The following KDSR variants were observed in gnomAD, a reference collection of about 807,000 sequenced individuals.
The protein encoded by KDSR is 3-dehydrosphinganine reductase.
In KDSR, 23 loss-of-function variants were observed where a neutral mutation model predicts 41.3. That is an observed-to-expected ratio of 0.56 (90% confidence interval 0.40 to 0.79). The LOEUF (loss-of-function observed/expected upper bound fraction) is 0.79, where lower values mean the gene tolerates loss of function less well. Ranked by LOEUF, KDSR falls within the 30% of genes least tolerant of loss-of-function variation. The probability of loss-of-function intolerance (pLI) is 0.00; values close to 1 mark genes in which losing one functional copy is unlikely to be tolerated. For missense variants in KDSR, 351 were observed against 416.8 expected (o/e 0.84, Z 1.37); for synonymous variants, 138 against 151.7 (o/e 0.91, Z 0.66).
In KDSR at chr18:63,330,426, T is replaced by C. The variant is rs1913945734; in HGVS notation, c.*1356A>G. The C allele has an allele frequency of 4.4e-6, 1 of 229,546 alleles. No homozygotes were observed. The highest frequency in any genetic ancestry group is 8.6e-6 in the Non-Finnish European group (1 of 115,808). The allele number at this position is 229,546 out of a possible 1,614,324, so 14.2% of individuals were successfully genotyped here. A position where few individuals can be genotyped will look rare whatever the true frequency, so the allele number is the denominator to read the frequency against. On this transcript the variant is annotated 3_prime_UTR_variant, in exon 10 of 10. Coordinates refer to ENST00000645214, the MANE Select transcript of KDSR (RefSeq NM_002035.4). ...AACGGGGAATGTTGGCTAAAACTCA[T>C]CAGAGGCACTTGCTGTCAAAATCCA...
intron 9 of KDSR, among the ~76,000 whole-genome samples, chr18:63,333,773 G>A (rs1038939723): frequency 6.6e-6 from 1 of 152,124 alleles, no homozygotes; most frequent in Non-Finnish European, 1.5e-5. Flanking sequence ...CATGGGAATC[G>A]TTTACAACCT....
In KDSR at chr18:63,330,317, G is replaced by A. The variant is rs917399889; in HGVS notation, c.*1465C>T. On this transcript the variant is annotated 3_prime_UTR_variant, in exon 10 of 10. Coordinates refer to ENST00000645214, the MANE Select transcript of KDSR (RefSeq NM_002035.4). ...CCGAAGTGATCTGGAATGTGCTACC[G>A]TATATGCAAGGAAGACAGGTTACAA... 5.0e-5 allele frequency: 11 copies of A among 221,134 alleles called. No individual in the cohort carries two copies. Among genetic ancestry groups the A allele is most frequent in the Non-Finnish European group, 7.2e-5 (8 of 110,506 alleles). 13.7% of individuals were successfully genotyped at this position (221,134 alleles called of 1,614,324 possible). A position where few individuals can be genotyped will look rare whatever the true frequency, so the allele number is the denominator to read the frequency against.
chr18:63,357,687 G>A (rs1914841197), intron 3 of KDSR, among the ~76,000 whole-genome samples: 1 of 150,444 alleles, frequency 6.6e-6, no homozygotes, highest in South Asian at 2.1e-4. Flanking sequence ...CCAGATCCAA[G>A]TGATTCTCCT....
chr18:63,347,209 G>C (rs377552837), intron 6 of KDSR, among the ~76,000 whole-genome samples: 1 of 152,050 alleles, frequency 6.6e-6, no homozygotes, highest in Admixed American at 6.6e-5. Flanking sequence ...ACTTGTTCAA[G>C]AACCGATTTG....
intron 7 of KDSR, among the ~76,000 whole-genome samples, chr18:63,344,130 T>C (rs1023170006): frequency 2.0e-5 from 3 of 152,188 alleles, no homozygotes; most frequent in Non-Finnish European, 4.4e-5. Flanking sequence ...TTAGCCACGA[T>C]TGTACCACTG....
At chr18:63,332,686 T>G (rs3096446) in intron 9 of KDSR, among the ~76,000 whole-genome samples, 152,238 of 152,238 alleles carry the variant, frequency 1, 76,119 homozygotes, top group Non-Finnish European at 1. Context: ...AAAAAAATTA[T>G]CCGCGTGTGG....
At chr18:63,339,428 G>A (rs954929067) in intron 7 of KDSR, among the ~76,000 whole-genome samples, 2 of 152,204 alleles carry the variant, frequency 1.3e-5, no homozygotes, top group African/African-American at 4.8e-5. Flanking sequence ...TGCTGAGGAG[G>A]CAAATGCACA....
chr18:63,344,141 C>T (rs1914428862), intron 7 of KDSR, among the ~76,000 whole-genome samples: 1 of 152,184 alleles, frequency 6.6e-6, no homozygotes. Context: ...TGTACCACTG[C>T]ACTCCAGCCT....
Position 63,328,094 on chromosome 18 carries a change from A to C in KDSR, c.*3688T>G. On this transcript the variant is annotated 3_prime_UTR_variant, in exon 10 of 10. Coordinates refer to ENST00000645214, the MANE Select transcript of KDSR (RefSeq NM_002035.4). The stretch of plus-strand genomic sequence containing the variant: ...GAAATATACAAAGCATCTTATGTCA[A>C]AGAGTATGAATATTTAAAAGTGGCC... 1 of 191,552 alleles carries C rather than the reference A, an allele frequency of 5.2e-6. No individual in the cohort carries two copies. The highest frequency in any genetic ancestry group is 8.4e-5 in the East Asian group (1 of 11,976). The allele number at this position is 191,552 out of a possible 1,614,324, so 11.9% of individuals were successfully genotyped here.
intron 8 of KDSR, among the ~76,000 whole-genome samples, chr18:63,338,065 C>A (rs1233574572): frequency 6.6e-6 from 1 of 152,202 alleles, no homozygotes; most frequent in African/African-American, 2.4e-5. Context: ...GGACAAAGTT[C>A]TTCACACATG....
At position 63,331,505 on chromosome 18, in the gene KDSR, C is replaced by T. The variant is rs1914000468; in HGVS notation, c.*277G>A. 3.6e-6 allele frequency: 1 copy of T among 280,760 alleles called. No homozygotes were observed. The highest frequency in any genetic ancestry group is 1.5e-4 in the South Asian group (1 of 6,712). The allele number at this position is 280,760 out of a possible 1,614,324, so 17.4% of individuals were successfully genotyped here. A position where few individuals can be genotyped will look rare whatever the true frequency, so the allele number is the denominator to read the frequency against. On this transcript the variant is annotated 3_prime_UTR_variant, in exon 10 of 10. Coordinates refer to ENST00000645214, the MANE Select transcript of KDSR (RefSeq NM_002035.4). ...GATCATTCTGGAATCCTGTTCTTTA[C>T]TTTGTTCACACGCTATTAATTCTCA...
intron 9 of KDSR, among the ~76,000 whole-genome samples, chr18:63,333,029 G>A (rs989742067): frequency 6.6e-6 from 1 of 151,988 alleles, no homozygotes; most frequent in African/African-American, 2.4e-5. Flanking sequence ...AAAAAAAAGA[G>A]CCTGGAAAGG....
intron 2 of KDSR, 39 bp downstream of exon 2, chr18:63,362,740 G>A (rs372988795): frequency 4.4e-6 from 6 of 1,378,194 alleles, no homozygotes; most frequent in African/African-American, 4.3e-5. Context: ...ATTTCAAGTC[G>A]AAGAAGCAAG....
intron 1 of KDSR, among the ~76,000 whole-genome samples, chr18:63,363,609 T>A (rs1568073742): frequency 6.6e-6 from 1 of 152,010 alleles, no homozygotes; most frequent in Admixed American, 6.6e-5. Flanking sequence ...ATTTTCTTAA[T>A]CCAGTCTATC....
In KDSR at chr18:63,328,363, T is replaced by G. The variant is rs1913870559; in HGVS notation, c.*3419A>C. On this transcript the variant is annotated 3_prime_UTR_variant, in exon 10 of 10. Coordinates refer to ENST00000645214, the MANE Select transcript of KDSR (RefSeq NM_002035.4). ...AGATAAAGATTTTTTTTCTTTTTTT[T>G]TTTTTTTGAGACAGAGTCTCGCACT... 6.1e-6 allele frequency: 1 copy of G among 164,518 alleles called. No individual in the cohort carries two copies. The highest frequency in any genetic ancestry group is 1.3e-5 in the Non-Finnish European group (1 of 75,322). 10.2% of individuals were successfully genotyped at this position (164,518 alleles called of 1,614,324 possible). A position where few individuals can be genotyped will look rare whatever the true frequency, so the allele number is the denominator to read the frequency against.
At chr18:63,331,955 A>G in intron 9 of KDSR, 54 bp from the exon 10 acceptor site, 1 of 1,574,340 alleles carries the variant, frequency 6.4e-7, no homozygotes, top group South Asian at 1.2e-5. Flanking sequence ...GACTATTTCA[A>G]GGTACCTAGG....
chr18:63,335,425 A>T, intron 8 of KDSR, 67 bp from the exon 9 acceptor site: 2 of 1,070,742 alleles, frequency 1.9e-6, no homozygotes, highest in Non-Finnish European at 2.9e-6. Context: ...AGTCGGACAC[A>T]TCAGAAACAG....
intron 1 of KDSR, among the ~76,000 whole-genome samples, chr18:63,363,223 T>C (rs1599341415): frequency 6.6e-6 from 1 of 150,552 alleles, no homozygotes; most frequent in Non-Finnish European, 1.5e-5. Flanking sequence ...TTTTTTCTTT[T>C]TTTTTTTTTT....
chr18:63,361,504 C>A (rs1473322527), intron 2 of KDSR, among the ~76,000 whole-genome samples: 1 of 151,980 alleles, frequency 6.6e-6, no homozygotes, highest in Non-Finnish European at 1.5e-5. Flanking sequence ...TTTTGTCTTT[C>A]TTGGTTTGCA....
Sources: gnomAD v4.1 joint callset for allele counts (sites outside exome capture counted in the v4.1 genomes callset) on GRCh38, gnomAD v4.1.1 for gene constraint, MANE v1.5 for transcripts, NCBI Gene and HGNC (gene_info 2026-07-23, HGNC 2026-07-21) for gene names.